The following UBE2L3 variants were observed in gnomAD, a reference collection of about 807,000 sequenced individuals.
UBE2L3 encodes ubiquitin-conjugating enzyme E2 L3.
Under a neutral mutation model 17.8 loss-of-function variants are expected in UBE2L3, and 1 was observed. The ratio of observed to expected loss-of-function variants is 0.06; its 90% CI spans 0.02 to 0.27. The LOEUF is 0.27. Among genes scored for constraint, UBE2L3 ranks in the 10% least tolerant of loss-of-function variants. The pLI is 1.00. For missense variants in UBE2L3, 40 were observed against 192.6 expected (o/e 0.21, Z 4.69); for synonymous variants, 44 against 68.5 (o/e 0.64, Z 1.76).
At chr22:21,598,845 C>T (rs1928699688) in intron 2 of UBE2L3, among the ~76,000 whole-genome samples, 1 of 133,546 alleles carries the variant, frequency 7.5e-6, no homozygotes, top group African/African-American at 3.1e-5. Context: ...CGCCTAGTTC[C>T]ATTTCTTTTT....
chr22:21,601,469 C>T (rs555867262), intron 2 of UBE2L3, among the ~76,000 whole-genome samples: 61 of 151,650 alleles, frequency 4.0e-4, no homozygotes, highest in Non-Finnish European at 7.5e-4. Context: ...TGTACCACTA[C>T]GCCTGGCTAA....
At position 21,614,635 on chromosome 22, in the gene UBE2L3, G is replaced by C. The variant is rs754251044; in HGVS notation, c.310+3592G>C. 3 of 1,366,612 alleles carry C rather than the reference G, an allele frequency of 2.2e-6. No individual in the cohort carries two copies. The African/African-American group carries it at 4.4e-5, about 20-fold the overall frequency. The allele number at this position is 1,366,612 out of a possible 1,614,324, so 84.7% of individuals were successfully genotyped here. A position where few individuals can be genotyped will look rare whatever the true frequency, so the allele number is the denominator to read the frequency against. On this transcript the variant is annotated intron_variant, in intron 3 of 3. Coordinates refer to ENST00000342192, the MANE Select transcript of UBE2L3 (RefSeq NM_003347.4). The stretch of plus-strand genomic sequence containing the variant: ...TGACCTCCTCAATTCACAACCTGTA[G>C]CTGACTTTAGCCACCCACAAGTACA...
chr22:21,568,309 G>T (rs917894029), intron 1 of UBE2L3: 2 of 985,692 alleles, frequency 2.0e-6, no homozygotes, highest in East Asian at 1.1e-4. Flanking sequence ...TCAGTTTGTT[G>T]GTGGGTCGTT....
rs1018794070 is a variant in UBE2L3, at chr22:21,621,602, G to A, written c.398G>A (p.Arg133His). Residue 133 changes from arginine to histidine, a missense_variant, in exon 4 of 4, where the codon CGT (arginine) becomes CAT (histidine). Arg to His is a conservative substitution (Grantham distance 29, BLOSUM62 0). Transcript: ENST00000342192. ...ADLAEEYSKD[R>H]KKFCKNAEEF... is the part of the protein sequence containing the mutation. ...CTAGCTGAAGAATACTCTAAGGACCGTAAAAAATTCTGTAAGAATGCTGAA... is the reference window on the plus strand; with the variant it reads ...CTAGCTGAAGAATACTCTAAGGACCATAAAAAATTCTGTAAGAATGCTGAA... 6.8e-6 allele frequency: 11 copies of A among 1,610,090 alleles called. No individual in the cohort carries two copies. Among genetic ancestry groups the A allele is most frequent in the East Asian group, 4.5e-5 (2 of 44,850 alleles).
intron 2 of UBE2L3, among the ~76,000 whole-genome samples, chr22:21,602,863 C>G (rs1928938302): frequency 6.6e-6 from 1 of 152,218 alleles, no homozygotes; most frequent in African/African-American, 2.4e-5. Context: ...CAGATGGATA[C>G]CTGCAGATGT....
intron 1 of UBE2L3, among the ~76,000 whole-genome samples, chr22:21,581,095 C>T (rs1450574459): frequency 6.9e-6 from 1 of 145,458 alleles, no homozygotes; most frequent in Non-Finnish European, 1.5e-5. Context: ...CACCCTGTTG[C>T]CCAGGCTGGA....
intron 2 of UBE2L3, among the ~76,000 whole-genome samples, chr22:21,604,811 C>T (rs1237899795): frequency 1.3e-5 from 2 of 152,128 alleles, no homozygotes. Context: ...CACACCTGAG[C>T]CACTCCTTTG....
intron 1 of UBE2L3, among the ~76,000 whole-genome samples, chr22:21,592,390 GT>G (rs1928313397): frequency 6.6e-6 from 1 of 152,120 alleles, no homozygotes; most frequent in South Asian, 2.1e-4. Context: ...TTTGTGTCTG[GT>G]TTGTTCCCAG....
chr22:21,568,524 C>G (rs1483624608), intron 1 of UBE2L3: 1 of 745,570 alleles, frequency 1.3e-6, no homozygotes, highest in Non-Finnish European at 1.6e-6. Context: ...TCGTTCGAAT[C>G]AAAACGGGCC....
chr22:21,585,695 G>T (rs749159584), intron 1 of UBE2L3, among the ~76,000 whole-genome samples: 10 of 152,144 alleles, frequency 6.6e-5, no homozygotes, highest in Non-Finnish European at 1.3e-4. Context: ...GGGATGTGGG[G>T]CTGGTGATAG....
rs533489273 is a variant in UBE2L3 at position 21,621,567 on chromosome 22, T to C, written c.363T>C (p.Leu121=). ...LVNDPQPEHP[L]RADLAEEYSK... Reference sequence around the variant, plus strand: ...ATGACCCCCAGCCTGAGCACCCGCTTCGGGCTGACCTAGCTGAAGAATACT... The same window carrying C: ...ATGACCCCCAGCCTGAGCACCCGCTCCGGGCTGACCTAGCTGAAGAATACT... The change falls in exon 4 of 4, where the codon CTT becomes CTC. Residue 121 remains leucine (L), a synonymous_variant. Coordinates refer to ENST00000342192, the MANE Select transcript of UBE2L3 (RefSeq NM_003347.4). The C allele has an allele frequency of 2.5e-6, 4 of 1,611,874 alleles. No homozygotes were observed. In the African/African-American group the frequency reaches 5.3e-5, roughly 22 times the overall value.
chr22:21,608,722 G>C (rs1056549696), intron 2 of UBE2L3, among the ~76,000 whole-genome samples: 1 of 150,630 alleles, frequency 6.6e-6, no homozygotes, highest in Non-Finnish European at 1.5e-5. Flanking sequence ...ACTGAGCCTG[G>C]CCCAGGCTAA....
chr22:21,621,377 G>C (rs1930031855), intron 3 of UBE2L3, 138 bp from the exon 4 acceptor site: 1 of 1,087,878 alleles, frequency 9.2e-7, no homozygotes, highest in Non-Finnish European at 1.3e-6. Context: ...TGGATAAATA[G>C]GAGGCAGCTT....
Position 21,623,962 on chromosome 22 carries a change from C to T in UBE2L3, c.*2293C>T, listed in dbSNP as rs141583045. 3.4e-3 allele frequency: 514 copies of T among 152,478 alleles called. 4 individuals are homozygous for T. Among genetic ancestry groups the T allele is most frequent in the African/African-American group, 0.011 (446 of 41,584 alleles). The allele number at this position is 152,478 out of a possible 1,614,324, so 9.4% of individuals were successfully genotyped here. On this transcript the variant is annotated 3_prime_UTR_variant, in exon 4 of 4. Coordinates refer to ENST00000342192, the MANE Select transcript of UBE2L3 (RefSeq NM_003347.4). Reference sequence around the variant, plus strand: ...TCCCTCTGCTCCCTACTCCCCACCACGGCAGAGAATAGGCTTTCTAAGATG... The same window carrying T: ...TCCCTCTGCTCCCTACTCCCCACCATGGCAGAGAATAGGCTTTCTAAGATG...
intron 2 of UBE2L3, among the ~76,000 whole-genome samples, chr22:21,609,904 T>A (rs1032587821): frequency 6.6e-6 from 1 of 152,136 alleles, no homozygotes; most frequent in East Asian, 1.9e-4. Flanking sequence ...CGGGTGCCTG[T>A]AATCCCAGCT....
chr22:21,571,519 C>T (rs938639739), intron 1 of UBE2L3, among the ~76,000 whole-genome samples: 1 of 152,204 alleles, frequency 6.6e-6, no homozygotes, highest in South Asian at 2.1e-4. Context: ...AGCGATTCTC[C>T]TGCCTCAGCC....
chr22:21,617,007 G>A lies in UBE2L3; in HGVS notation c.311-4508G>A, dbSNP rs575998904. 6.8e-3 allele frequency among the ~76,000 whole-genome samples: 1,027 copies of A among 151,620 alleles called. 2 individuals carry two copies. Among genetic ancestry groups the A allele is most frequent in the Non-Finnish European group, 0.011 (728 of 67,852 alleles). Reference sequence around the variant, plus strand: ...GGGCAGATCACGAGGTCAGGAGATCGAGACCATCCTGGCTAACACGGTGAA... The same window carrying A: ...GGGCAGATCACGAGGTCAGGAGATCAAGACCATCCTGGCTAACACGGTGAA... On this transcript the variant is annotated intron_variant, in intron 3 of 3. Coordinates refer to ENST00000342192, the MANE Select transcript of UBE2L3 (RefSeq NM_003347.4).
chr22:21,599,298 T>A (rs997189799), intron 2 of UBE2L3, among the ~76,000 whole-genome samples: 2 of 152,182 alleles, frequency 1.3e-5, no homozygotes, highest in African/African-American at 4.8e-5. Flanking sequence ...TGTGCCACTC[T>A]GCCTTCTCTC....
Position 21,621,971 on chromosome 22 carries a change from A to C in UBE2L3, c.*302A>C. 1 of 308,742 alleles carries C rather than the reference A, an allele frequency of 3.2e-6. No homozygotes were observed. Among genetic ancestry groups the C allele is most frequent in the Non-Finnish European group, 5.9e-6 (1 of 170,208 alleles). The allele number at this position is 308,742 out of a possible 1,614,324, so 19.1% of individuals were successfully genotyped here. On this transcript the variant is annotated 3_prime_UTR_variant, in exon 4 of 4. Coordinates refer to ENST00000342192, the MANE Select transcript of UBE2L3 (RefSeq NM_003347.4). ...ATTTTATCCAAAATCTTCAAGTTAC[A>C]TTTAACCCATAAGGTTTAAAAAAAA...
Sources: allele counts gnomAD v4.1 joint callset (sites outside exome capture counted in the v4.1 genomes callset), GRCh38; gene constraint gnomAD v4.1.1; transcripts MANE v1.5; gene names NCBI Gene and HGNC (gene_info 2026-07-23, HGNC 2026-07-21).